Variants in PDZK1 observed in about 807,000 individuals in gnomAD.
PDZK1 encodes the protein Na(+)/H(+) exchange regulatory cofactor NHE-RF3.
Under a neutral mutation model 38.1 loss-of-function variants are expected in PDZK1, and 23 were observed. The observed-to-expected ratio is 0.60, with a 90% confidence interval of 0.43 to 0.85. The LOEUF is 0.85. PDZK1 is among the 40% of genes least tolerant of loss of function. The pLI is 0.00. For missense variants in PDZK1, 297 were observed against 504.3 expected, an observed-to-expected ratio of 0.59 and a Z score of 3.94; for synonymous variants, 98 against 186.2, an observed-to-expected ratio of 0.53 and a Z score of 3.86.
At chr1:145,704,843 C>A (rs1261773348) in intron 1 of PDZK1, among the ~76,000 whole-genome samples, 3 of 152,198 alleles carry the variant, frequency 2.0e-5, no homozygotes, top group Non-Finnish European at 4.4e-5. Flanking sequence ...TATGATTAGA[C>A]CCTGGACTTC....
intron 1 of PDZK1, among the ~76,000 whole-genome samples, chr1:145,693,496 C>T (rs951277241): frequency 4.6e-5 from 7 of 151,800 alleles, no homozygotes; most frequent in Middle Eastern, 3.4e-3. Context: ...GTGCCGGGCG[C>T]GGTGGCTCAC....
At chr1:145,700,329 G>A (rs1280255290) in intron 1 of PDZK1, among the ~76,000 whole-genome samples, 1 of 152,172 alleles carries the variant, frequency 6.6e-6, no homozygotes, top group Admixed American at 6.5e-5. Context: ...GTATCAAGGA[G>A]GTAAAAGAGT....
intron 6 of PDZK1, among the ~76,000 whole-genome samples, chr1:145,677,017 C>CA (rs1441202518): frequency 6.6e-6 from 1 of 152,160 alleles, no homozygotes; most frequent in Non-Finnish European, 1.5e-5. Context: ...CCCTCTCTTA[C>CA]AACTAAGGAA....
At chr1:145,675,097 ACT>A (rs1653516832) in intron 6 of PDZK1, among the ~76,000 whole-genome samples, 1 of 151,492 alleles carries the variant, frequency 6.6e-6, no homozygotes, top group South Asian at 2.1e-4. Flanking sequence ...ATTATGCCAA[ACT>A]CTCCAACATC....
At chr1:145,685,091 C>G (rs1280854559) in intron 3 of PDZK1, among the ~76,000 whole-genome samples, 2 of 152,028 alleles carry the variant, frequency 1.3e-5, no homozygotes. Context: ...CAGGACAGCA[C>G]AAGATTTCAT....
intron 1 of PDZK1, among the ~76,000 whole-genome samples, chr1:145,694,895 CAAAAAAAAAAA>C (rs10657290): frequency 7.5e-5 from 3 of 39,792 alleles, no homozygotes; most frequent in Admixed American, 3.6e-4. Context: ...GACTCTGTCT[CAAAAAAAAAAA>C]AAAAAAAAAA....
chr1:145,697,637 A>ACCCAGGCT (rs1655701728), intron 1 of PDZK1, among the ~76,000 whole-genome samples: 1 of 151,840 alleles, frequency 6.6e-6, no homozygotes, highest in Non-Finnish European at 1.5e-5. Flanking sequence ...TCGCTCTGTC[A>ACCCAGGCT]CCCAGGCTGG....
rs1369575463 is a variant in PDZK1, at chr1:145,671,255, C to T, written c.*181G>A. 1 of 1,168,860 alleles carries T rather than the reference C, an allele frequency of 8.6e-7. No homozygotes were observed. Among genetic ancestry groups the T allele is most frequent in the Non-Finnish European group, 1.1e-6 (1 of 873,168 alleles). The allele number at this position is 1,168,860 out of a possible 1,614,324, so 72.4% of individuals were successfully genotyped here. A position where few individuals can be genotyped will look rare whatever the true frequency, so the allele number is the denominator to read the frequency against. The stretch of plus-strand genomic sequence containing the variant: ...AAGTTAAGCATAAATTAGCCGTCTG[C>T]AATAGCCGCCTGTAAGACAAATGAT... On this transcript the variant is annotated 3_prime_UTR_variant, in exon 9 of 9. Coordinates refer to ENST00000417171, the MANE Select transcript of PDZK1 (RefSeq NM_001201325.2).
At chr1:145,677,902 G>T (rs1553699579) in intron 6 of PDZK1, among the ~76,000 whole-genome samples, 4 of 77,070 alleles carry the variant, frequency 5.2e-5, no homozygotes, top group East Asian at 4.6e-4. Context: ...CAGTTCTTGT[G>T]TTAAAAGTAA....
chr1:145,703,832 T>A (rs932763449), intron 1 of PDZK1, among the ~76,000 whole-genome samples: 1 of 152,016 alleles, frequency 6.6e-6, no homozygotes, highest in Non-Finnish European at 1.5e-5. Flanking sequence ...TAAGCTTTTT[T>A]TTTTTGGCCA....
At chr1:145,672,303 A>AATCT (rs1323912978) in intron 8 of PDZK1, among the ~76,000 whole-genome samples, 1 of 151,540 alleles carries the variant, frequency 6.6e-6, no homozygotes, top group East Asian at 1.9e-4. Flanking sequence ...TAATATAGTT[A>AATCT]ATCTTAGTTA....
intron 5 of PDZK1, among the ~76,000 whole-genome samples, chr1:145,679,248 C>T (rs1214506864): frequency 6.7e-6 from 1 of 150,214 alleles, no homozygotes; most frequent in Non-Finnish European, 1.5e-5. Flanking sequence ...TCTCATAGAT[C>T]TCTCAACTGT....
At chr1:145,684,397 A>C in intron 3 of PDZK1, among the ~76,000 whole-genome samples, 1 of 151,894 alleles carries the variant, frequency 6.6e-6, no homozygotes, top group Admixed American at 6.6e-5. Flanking sequence ...TTTAGTAGAG[A>C]CAGGGTTTCA....
intron 1 of PDZK1, among the ~76,000 whole-genome samples, chr1:145,692,145 A>G (rs1655275536): frequency 6.6e-6 from 1 of 152,200 alleles, no homozygotes; most frequent in Non-Finnish European, 1.5e-5. Flanking sequence ...GGAGGGTGGT[A>G]TGACCTCTGG....
At chr1:145,692,838 T>A (rs1162140974) in intron 1 of PDZK1, among the ~76,000 whole-genome samples, 1 of 150,342 alleles carries the variant, frequency 6.7e-6, no homozygotes, top group African/African-American at 2.5e-5. Flanking sequence ...ATCAAAACCA[T>A]CCTGGCCAAC....
intron 1 of PDZK1, among the ~76,000 whole-genome samples, chr1:145,696,340 C>T (rs181131214): frequency 3.9e-4 from 60 of 152,306 alleles, no homozygotes; most frequent in Non-Finnish European, 7.5e-4. Context: ...CTTCAAGCCC[C>T]GAACTCCCCT....
rs587770985 is a variant in PDZK1 at position 145,687,000 on chromosome 1, C to T, written c.211-274G>A. ...AAGACTGGTCCTTTCTAGAGAGGAG[C>T]GCTGCCCTAGATTGTAACCATTCCT... On this transcript the variant is annotated intron_variant, in intron 2 of 8. Transcript: ENST00000417171. Among the ~76,000 whole-genome samples the T allele has an allele frequency of 7.6e-4, 116 of 152,174 alleles. 1 individual carries two copies. The highest frequency in any genetic ancestry group is 6.8e-3 in the Middle Eastern group (2 of 294).
rs781804557 is a variant in PDZK1, at chr1:145,673,750, A to G, written c.1122T>C (p.His374=). The change falls in exon 7 of 9, where the codon CAT becomes CAC. Residue 374 remains histidine (H), a synonymous_variant. Coordinates refer to ENST00000417171, the MANE Select transcript of PDZK1 (RefSeq NM_001201325.2). ...TAGCCAGCCTGCAGAGTTTAGGCTT[A>G]TGATCTACTTCCTCTGTAGTATCTG... ...SPPDTTEEVD[H]KPKLCRLAKG... 6.2e-7 allele frequency: 1 copy of G among 1,611,870 alleles called. No homozygotes were observed. Among genetic ancestry groups the G allele is most frequent in the Admixed American group, 1.7e-5 (1 of 59,994 alleles).
Position 145,671,455 on chromosome 1 carries a change from G to A in PDZK1, c.1541C>T (p.Ser514Phe), listed in dbSNP as rs1653028916. ...TTTTCATCACATCTCTGTATCTTCA[G>A]AATTGGAAGAAGAATGTGAGGCTGT... ...HSTASHSSSN[S>F]EDTEM Residue 514 changes from serine to phenylalanine, a missense_variant, in exon 9 of 9, where the codon TCT (serine) becomes TTT (phenylalanine). Physicochemically the swap from Ser to Phe is radical, Grantham distance 155 (BLOSUM62 -2). Coordinates refer to ENST00000417171, the MANE Select transcript of PDZK1 (RefSeq NM_001201325.2). 2 of 1,573,020 alleles carry A rather than the reference G, an allele frequency of 1.3e-6. No homozygotes were observed. The highest frequency in any genetic ancestry group is 2.7e-5 in the African/African-American group (2 of 74,006).
Sources: allele counts gnomAD v4.1 joint callset (sites outside exome capture counted in the v4.1 genomes callset), GRCh38; gene constraint gnomAD v4.1.1; transcripts MANE v1.5; gene names NCBI Gene and HGNC (gene_info 2026-07-23, HGNC 2026-07-21).